SLC15A5: variants seen among roughly 807,000 people sequenced by gnomAD.
The protein encoded by SLC15A5 is Peptide/histidine transporter ENSP00000340402.
In SLC15A5, 58 loss-of-function variants were observed where a neutral mutation model predicts 56.1. The ratio of observed to expected loss-of-function variants is 1.03; its 90% CI spans 0.84 to 1.29. The LOEUF is 1.29. Ranked by LOEUF, SLC15A5 falls within the 50% of genes most tolerant of loss-of-function variation. SLC15A5 has a pLI of 0.00. For synonymous variants in SLC15A5, 264 were observed against 250.5 expected, an observed-to-expected ratio of 1.05 and a Z score of -0.51; for missense variants, 681 against 672.1, an observed-to-expected ratio of 1.01 and a Z score of -0.15.
chr12:16,224,736 T>G, intron 5 of SLC15A5, 134 bp from the exon 6 acceptor site: 1 of 942,618 alleles, frequency 1.1e-6, no homozygotes, highest in Non-Finnish European at 1.5e-6. Flanking sequence ...TTTTTTAATT[T>G]TTTTATTATA....
chr12:16,272,459 A>G (rs1864769724), intron 2 of SLC15A5, 102 bp downstream of exon 2: 4 of 1,060,884 alleles, frequency 3.8e-6, no homozygotes, highest in Non-Finnish European at 5.5e-6. Flanking sequence ...CACTTAGCCC[A>G]ATTCATCACA....
intron 7 of SLC15A5, among the ~76,000 whole-genome samples, chr12:16,199,369 C>T (rs183005598): frequency 1.2e-3 from 174 of 146,742 alleles, no homozygotes; most frequent in Non-Finnish European, 2.2e-3. Context: ...GAGTAAGAGA[C>T]ACCCCCAGGT....
chr12:16,199,656 T>C (rs1447911552), intron 7 of SLC15A5, among the ~76,000 whole-genome samples: 2 of 152,122 alleles, frequency 1.3e-5, no homozygotes, highest in Non-Finnish European at 2.9e-5. Context: ...GTAATAGATA[T>C]ACAAATTACC....
chr12:16,192,925 G>T (rs1177721678), intron 8 of SLC15A5, among the ~76,000 whole-genome samples: 5 of 152,070 alleles, frequency 3.3e-5, no homozygotes, highest in Admixed American at 3.3e-4. Context: ...GTTTAGCAAG[G>T]TTAAACAGCT....
At chr12:16,197,279 A>G (rs552489419) in intron 7 of SLC15A5, among the ~76,000 whole-genome samples, 12 of 152,222 alleles carry the variant, frequency 7.9e-5, no homozygotes, top group South Asian at 2.1e-4. Flanking sequence ...GCTGATTTAC[A>G]TGGTAAAGAG....
chr12:16,199,900 A>G (rs539679520), intron 7 of SLC15A5, among the ~76,000 whole-genome samples: 5 of 152,222 alleles, frequency 3.3e-5, no homozygotes, highest in South Asian at 4.1e-4. Context: ...ACTGTGGTCT[A>G]TAATCACTCT....
intron 7 of SLC15A5, among the ~76,000 whole-genome samples, chr12:16,202,569 G>A (rs1466779313): frequency 6.6e-6 from 1 of 152,076 alleles, no homozygotes; most frequent in African/African-American, 2.4e-5. Flanking sequence ...CATTACCATA[G>A]CATTACCACA....
intron 4 of SLC15A5, among the ~76,000 whole-genome samples, chr12:16,241,857 ATTAATC>A (rs1325010532): frequency 6.6e-6 from 1 of 152,236 alleles, no homozygotes; most frequent in Non-Finnish European, 1.5e-5. Flanking sequence ...CAAATGTACT[ATTAATC>A]TTTAGTGAAG....
intron 7 of SLC15A5, among the ~76,000 whole-genome samples, chr12:16,209,520 T>C (rs571420342): frequency 6.6e-6 from 1 of 152,282 alleles, no homozygotes; most frequent in South Asian, 2.1e-4. Context: ...CCTCCAGATA[T>C]TTCTATTTGG....
intron 1 of SLC15A5, among the ~76,000 whole-genome samples, chr12:16,273,008 T>C (rs78512898): frequency 1.3e-5 from 2 of 152,070 alleles, no homozygotes; most frequent in African/African-American, 2.4e-5. Flanking sequence ...TTTTTTTTTT[T>C]CTCCTCAAGC....
At chr12:16,191,137 G>A (rs1157295132) in intron 8 of SLC15A5, among the ~76,000 whole-genome samples, 1 of 152,038 alleles carries the variant, frequency 6.6e-6, no homozygotes, top group South Asian at 2.1e-4. Context: ...GATTGTGGAG[G>A]GGTTGTTTTC....
chr12:16,229,030 A>C (rs1457717769), intron 5 of SLC15A5, among the ~76,000 whole-genome samples: 6 of 152,148 alleles, frequency 3.9e-5, no homozygotes, highest in African/African-American at 1.4e-4. Context: ...CATCATTCCA[A>C]GCCAAGCCAT....
intron 7 of SLC15A5, among the ~76,000 whole-genome samples, chr12:16,198,807 T>C (rs1592107043): frequency 6.6e-6 from 1 of 152,154 alleles, no homozygotes; most frequent in East Asian, 1.9e-4. Flanking sequence ...GCTATAACAC[T>C]ATAAACTACA....
intron 2 of SLC15A5, among the ~76,000 whole-genome samples, chr12:16,263,593 T>C (rs946530759): frequency 6.6e-6 from 1 of 152,126 alleles, no homozygotes; most frequent in African/African-American, 2.4e-5. Context: ...AAAATGTCTC[T>C]CCAGGGCATG....
chr12:16,200,459 G>T (rs942523687), intron 7 of SLC15A5, among the ~76,000 whole-genome samples: 18 of 151,840 alleles, frequency 1.2e-4, no homozygotes, highest in African/African-American at 4.1e-4. Flanking sequence ...ACACACTCTT[G>T]CCAGTTTTTG....
chr12:16,260,414 G>A (rs562442302), intron 2 of SLC15A5, among the ~76,000 whole-genome samples: 1 of 151,894 alleles, frequency 6.6e-6, no homozygotes, highest in East Asian at 1.9e-4. Flanking sequence ...TTAAGTTCGG[G>A]TTTTTTCAAT....
intron 7 of SLC15A5, among the ~76,000 whole-genome samples, chr12:16,200,308 T>C (rs1455634083): frequency 6.6e-6 from 1 of 151,778 alleles, no homozygotes; most frequent in African/African-American, 2.4e-5. Context: ...TAAAGGGACA[T>C]TGAAAATTTT....
At chr12:16,240,401 G>C (rs962983088) in intron 4 of SLC15A5, among the ~76,000 whole-genome samples, 12 of 151,986 alleles carry the variant, frequency 7.9e-5, no homozygotes, top group Admixed American at 2.0e-4. Context: ...TGTCTTTGAG[G>C]GGGCTATTTA....
intron 4 of SLC15A5, among the ~76,000 whole-genome samples, chr12:16,240,368 G>T (rs1315989083): frequency 1.3e-5 from 2 of 152,018 alleles, no homozygotes; most frequent in African/African-American, 2.4e-5. Context: ...GCCCAATGTG[G>T]ACACGTGTTA....
Sources: allele counts gnomAD v4.1 joint callset (sites outside exome capture counted in the v4.1 genomes callset), GRCh38; gene constraint gnomAD v4.1.1; transcripts MANE v1.5; gene names NCBI Gene and HGNC (gene_info 2026-07-23, HGNC 2026-07-21).